The following SESTD1 variants were observed in gnomAD, a reference collection of about 807,000 sequenced individuals.
The protein encoded by SESTD1 is SEC14 domain and spectrin repeat-containing protein 1.
A neutral mutation model predicts 101.7 loss-of-function variants in SESTD1; 43 were observed. That is an observed-to-expected ratio of 0.42 (90% CI 0.33 to 0.55). The LOEUF (loss-of-function observed/expected upper bound fraction) is 0.55, where lower values mean the gene tolerates loss of function less well. Among genes scored for constraint, SESTD1 ranks in the 20% least tolerant of loss-of-function variants. SESTD1 has a pLI of 0.07. For missense variants in SESTD1, 647 were observed against 815.1 expected (o/e 0.79, Z 2.51); for synonymous variants, 283 against 286.8 (o/e 0.99, Z 0.13).
intron 1 of SESTD1, among the ~76,000 whole-genome samples, chr2:179,246,222 T>C (rs2047228114): frequency 7.7e-6 from 1 of 129,674 alleles, no homozygotes; most frequent in Non-Finnish European, 1.5e-5. Flanking sequence ...GCCACTGCAC[T>C]GCGGCCTGGG....
chr2:179,243,481 AC>A (rs1399040930), intron 1 of SESTD1, among the ~76,000 whole-genome samples: 1 of 152,200 alleles, frequency 6.6e-6, no homozygotes, highest in Non-Finnish European at 1.5e-5. Context: ...AACACTATTC[AC>A]AATAGCAAAG....
In SESTD1 at chr2:179,108,567, G is replaced by C. The variant is rs928493051; in HGVS notation, c.*1332C>G. ...AGAAGTCTGTCAGTCAGTGAAGAAG[G>C]CTGGAAAAACTAGCAGGTTAAAAGG... On this transcript the variant is annotated 3_prime_UTR_variant, in exon 18 of 18. Coordinates refer to ENST00000428443, the MANE Select transcript of SESTD1 (RefSeq NM_178123.5). The C allele has an allele frequency of 1.3e-5, 2 of 151,888 alleles. No individual in the cohort carries two copies. The highest frequency in any genetic ancestry group is 6.6e-5 in the Admixed American group (1 of 15,232). The allele number at this position is 151,888 out of a possible 1,614,324, so 9.4% of individuals were successfully genotyped here. A position where few individuals can be genotyped will look rare whatever the true frequency, so the allele number is the denominator to read the frequency against.
At chr2:179,174,423 A>T (rs1187377608) in intron 4 of SESTD1, 2 of 467,386 alleles carry the variant, frequency 4.3e-6, no homozygotes, top group African/African-American at 4.0e-5. Flanking sequence ...CCACTGATCA[A>T]AGTCCAGTTC....
At chr2:179,256,944 A>C (rs1005538074) in intron 1 of SESTD1, among the ~76,000 whole-genome samples, 1 of 152,182 alleles carries the variant, frequency 6.6e-6, no homozygotes, top group Non-Finnish European at 1.5e-5. Flanking sequence ...CAAAGGATTT[A>C]GAATGTTACA....
intron 9 of SESTD1, among the ~76,000 whole-genome samples, chr2:179,141,022 A>G (rs191119476): frequency 6.6e-6 from 1 of 152,238 alleles, no homozygotes; most frequent in East Asian, 1.9e-4. Flanking sequence ...TACCTCTCTC[A>G]ACTTTCTCTT....
rs780956439 is a variant in SESTD1 at position 179,117,579 on chromosome 2, T to C, written c.1477A>G (p.Met493Val). 6.3e-7 allele frequency: 1 copy of C among 1,587,754 alleles called. No individual in the cohort carries two copies. Among genetic ancestry groups the C allele is most frequent in the Non-Finnish European group, 8.5e-7 (1 of 1,171,370 alleles). Residue 493 changes from methionine to valine, a missense_variant, in exon 14 of 18, where the codon ATG becomes GTG. Transcript: ENST00000428443. Reference sequence around the variant, plus strand: ...TTAAACAACTGCACCATCTGAAGCATCTTTAACCTTCGCACATCTACCATG... The same window carrying C: ...TTAAACAACTGCACCATCTGAAGCACCTTTAACCTTCGCACATCTACCATG... ...EDMVDVRRLKMLQMVQLFKCE... is the reference protein window; with the variant it reads ...EDMVDVRRLKVLQMVQLFKCE...
intron 1 of SESTD1, among the ~76,000 whole-genome samples, chr2:179,212,279 A>G (rs2046660818): frequency 7.4e-6 from 1 of 135,370 alleles, no homozygotes; most frequent in African/African-American, 2.9e-5. Flanking sequence ...CTGGAAAAAC[A>G]AGACACTCCC....
chr2:179,197,742 T>A (rs2046425987), intron 1 of SESTD1, among the ~76,000 whole-genome samples: 1 of 152,038 alleles, frequency 6.6e-6, no homozygotes, highest in Non-Finnish European at 1.5e-5. Context: ...TAAAATCCTT[T>A]ACAGACAAGC....
Position 179,222,396 on chromosome 2 carries a change from T to C in SESTD1, c.-25-30530A>G, listed in dbSNP as rs1395000631. ...GAGCAAATTTGTATATATAGTTTAG[T>C]ATACTCAGGATAAGCACCCAATAAA... On this transcript the variant is annotated intron_variant, in intron 1 of 17. Coordinates refer to ENST00000428443, the MANE Select transcript of SESTD1 (RefSeq NM_178123.5). 2.6e-5 allele frequency among the ~76,000 whole-genome samples: 4 copies of C among 152,144 alleles called. No individual in the cohort carries two copies. In the East Asian group the frequency reaches 7.7e-4, roughly 29 times the overall value.
At chr2:179,154,702 A>C (rs1384331167) in intron 5 of SESTD1, among the ~76,000 whole-genome samples, 1 of 152,242 alleles carries the variant, frequency 6.6e-6, no homozygotes. Flanking sequence ...AGACTACTGG[A>C]AACTCTATAG....
chr2:179,245,923 G>A (rs2047222828), intron 1 of SESTD1, among the ~76,000 whole-genome samples: 1 of 151,922 alleles, frequency 6.6e-6, no homozygotes, highest in Non-Finnish European at 1.5e-5. Flanking sequence ...ATACTAAAAA[G>A]GCAACCTCAA....
chr2:179,104,338 T>G lies in SESTD1; in HGVS notation c.*5561A>C, dbSNP rs2044334932. ...TGATGATATATTCTGAGCAAATCTG[T>G]TGGCCATAAAGATAACATAAGAGTT... On this transcript the variant is annotated 3_prime_UTR_variant, in exon 18 of 18. Coordinates refer to ENST00000428443, the MANE Select transcript of SESTD1 (RefSeq NM_178123.5). 6.6e-6 allele frequency: 1 copy of G among 152,150 alleles called. No homozygotes were observed. Among genetic ancestry groups the G allele is most frequent in the Admixed American group, 6.6e-5 (1 of 15,266 alleles). The allele number at this position is 152,150 out of a possible 1,614,324, so 9.4% of individuals were successfully genotyped here. A position where few individuals can be genotyped will look rare whatever the true frequency, so the allele number is the denominator to read the frequency against.
chr2:179,184,237 C>T (rs1189456303), intron 2 of SESTD1, among the ~76,000 whole-genome samples: 1 of 152,114 alleles, frequency 6.6e-6, no homozygotes, highest in African/African-American at 2.4e-5. Flanking sequence ...TACTGAAGCC[C>T]ATCTTCTGAC....
At chr2:179,126,066 G>A (rs2044866548) in intron 10 of SESTD1, among the ~76,000 whole-genome samples, 1 of 152,064 alleles carries the variant, frequency 6.6e-6, no homozygotes, top group East Asian at 1.9e-4. Flanking sequence ...ATATAAATAA[G>A]CTGTAATTTA....
At chr2:179,159,930 C>A (rs976281019) in intron 5 of SESTD1, among the ~76,000 whole-genome samples, 10 of 152,232 alleles carry the variant, frequency 6.6e-5, no homozygotes, top group African/African-American at 9.6e-5. Flanking sequence ...TCTCAGCTCA[C>A]TGCAACCTCC....
intron 3 of SESTD1, among the ~76,000 whole-genome samples, chr2:179,178,357 G>A (rs754443435): frequency 2.6e-5 from 4 of 152,162 alleles, no homozygotes; most frequent in Non-Finnish European, 5.9e-5. Context: ...GGGGCTAGGC[G>A]TGGTGCCTCA....
intron 1 of SESTD1, among the ~76,000 whole-genome samples, chr2:179,192,490 TAC>T (rs978849564): frequency 1.3e-5 from 2 of 152,202 alleles, no homozygotes; most frequent in African/African-American, 2.4e-5. Flanking sequence ...CTCTACATTT[TAC>T]AGTTTTTAAT....
At chr2:179,243,441 A>G (rs1396718114) in intron 1 of SESTD1, among the ~76,000 whole-genome samples, 1 of 152,192 alleles carries the variant, frequency 6.6e-6, no homozygotes, top group Non-Finnish European at 1.5e-5. Flanking sequence ...TGTTCTACCA[A>G]AAAGACACAT....
intron 2 of SESTD1, among the ~76,000 whole-genome samples, chr2:179,185,247 G>T (rs1293276153): frequency 2.0e-5 from 3 of 151,048 alleles, no homozygotes; most frequent in African/African-American, 7.3e-5. Flanking sequence ...TCCAGGTATA[G>T]AAGAGAAAAA....
Sources: gnomAD v4.1 joint callset for allele counts (sites outside exome capture counted in the v4.1 genomes callset) on GRCh38, gnomAD v4.1.1 for gene constraint, MANE v1.5 for transcripts, NCBI Gene and HGNC (gene_info 2026-07-23, HGNC 2026-07-21) for gene names.